Variants in ZC3H12C observed in about 807,000 individuals in gnomAD.
The protein encoded by ZC3H12C is zinc finger CCCH-type containing 12C.
ZC3H12C carries 20 observed loss-of-function variants against 76.3 expected under a neutral mutation model. That is an observed-to-expected ratio of 0.26 (90% CI 0.18 to 0.38). The LOEUF (loss-of-function observed/expected upper bound fraction) is 0.38. ZC3H12C is among the 10% of genes least tolerant of loss of function. ZC3H12C has a pLI of 1.00. For synonymous variants in ZC3H12C, 352 were observed against 399.6 expected (o/e 0.88, Z 1.42); for missense variants, 874 against 1,086.5 (o/e 0.80, Z 2.75).
At position 110,139,428 on chromosome 11, in the gene ZC3H12C, C is replaced by A. The variant is rs569717775; in HGVS notation, c.773+2014C>A. The stretch of plus-strand genomic sequence containing the variant: ...GAGGAGTGTCAAGAGTAGAGTTGTG[C>A]CTTATACTGATCATTTTTGCAATGA... On this transcript the variant is annotated intron_variant, in intron 2 of 5. Transcript: ENST00000278590. 8.7e-4 allele frequency among the ~76,000 whole-genome samples: 132 copies of A among 152,188 alleles called. 2 individuals carry two copies. Among genetic ancestry groups the A allele is most frequent in the Non-Finnish European group, 1.2e-3 (80 of 68,010 alleles).
At chr11:110,117,043 A>T (rs1861538833) in intron 1 of ZC3H12C, among the ~76,000 whole-genome samples, 1 of 152,242 alleles carries the variant, frequency 6.6e-6, no homozygotes, top group African/African-American at 2.4e-5. Context: ...GTCCCTTTAT[A>T]GGAACAAGTG....
chr11:110,164,332 T>G lies in ZC3H12C; in HGVS notation c.1256-9T>G. On this transcript the variant is annotated splice_polypyrimidine_tract_variant and intron_variant, in intron 5 of 5. Transcript: ENST00000278590. This position sits in a 1 kb window ranked among gnomAD's most constrained non-coding sequence, Gnocchi z 5.7. ...TGCTCCTTTGCCTAATTAATTTTAC[T>G]CTTCTTAGGAAAGAAGTGTACCTAT... 1 of 1,584,502 alleles carries G rather than the reference T, an allele frequency of 6.3e-7. No homozygotes were observed.
intron 1 of ZC3H12C, among the ~76,000 whole-genome samples, chr11:110,124,647 T>C (rs1861707878): frequency 1.3e-5 from 2 of 152,202 alleles, no homozygotes; most frequent in Non-Finnish European, 2.9e-5. Context: ...GGTGAGGCTG[T>C]AGTGCAAGAC....
intron 1 of ZC3H12C, among the ~76,000 whole-genome samples, chr11:110,113,682 T>C (rs1194218112): frequency 2.0e-5 from 3 of 152,202 alleles, no homozygotes; most frequent in Middle Eastern, 3.2e-3. Context: ...GGACCATTAG[T>C]AACCTTGACC....
chr11:110,160,025 A>G (rs1326360323), intron 4 of ZC3H12C, among the ~76,000 whole-genome samples: 3 of 152,258 alleles, frequency 2.0e-5, no homozygotes, highest in Non-Finnish European at 4.4e-5. Context: ...ACCAACTTGT[A>G]TAGCATGCTA....
At chr11:110,144,232 C>A (rs951468433) in intron 2 of ZC3H12C, among the ~76,000 whole-genome samples, 12 of 152,106 alleles carry the variant, frequency 7.9e-5, no homozygotes, top group African/African-American at 2.9e-4. Flanking sequence ...CATTTTGATT[C>A]CAAAACAAGC....
intron 2 of ZC3H12C, among the ~76,000 whole-genome samples, chr11:110,146,440 C>T (rs1011596076): frequency 1.3e-5 from 2 of 152,202 alleles, no homozygotes; most frequent in Non-Finnish European, 2.9e-5. Context: ...AGCACTGAGG[C>T]TCTCCCATTA....
intron 1 of ZC3H12C, chr11:110,130,874 C>A: frequency 1.6e-6 from 1 of 641,498 alleles, no homozygotes; most frequent in East Asian, 2.8e-5. Context: ...ACGAACCTGA[C>A]GCAGGGTGCT....
intron 1 of ZC3H12C, among the ~76,000 whole-genome samples, chr11:110,116,477 C>A (rs1565251474): frequency 1.3e-5 from 2 of 152,122 alleles, no homozygotes; most frequent in Non-Finnish European, 2.9e-5. Flanking sequence ...CATTTTAACT[C>A]TAATGCATTT....
At chr11:110,107,618 C>T (rs900265929) in intron 1 of ZC3H12C, among the ~76,000 whole-genome samples, 5 of 152,128 alleles carry the variant, frequency 3.3e-5, no homozygotes, top group East Asian at 3.9e-4. Context: ...CTCCACCTCC[C>T]GGGTTTAAGC....
At chr11:110,130,303 T>A (rs1861837619) in intron 1 of ZC3H12C, among the ~76,000 whole-genome samples, 1 of 152,230 alleles carries the variant, frequency 6.6e-6, no homozygotes, top group Non-Finnish European at 1.5e-5. Context: ...ATCTACACTT[T>A]CAGTGAATTT....
At chr11:110,101,695 G>C (rs189738119) in intron 1 of ZC3H12C, among the ~76,000 whole-genome samples, 2 of 151,850 alleles carry the variant, frequency 1.3e-5, no homozygotes, top group African/African-American at 4.8e-5. Flanking sequence ...CTACAGGCCC[G>C]CGCCACCACG....
intron 4 of ZC3H12C, among the ~76,000 whole-genome samples, chr11:110,161,692 GAATA>G (rs1862484833): frequency 2.0e-5 from 3 of 152,208 alleles, no homozygotes; most frequent in Non-Finnish European, 4.4e-5. Context: ...ATATACTGAG[GAATA>G]AATAAAGACC....
intron 2 of ZC3H12C, among the ~76,000 whole-genome samples, chr11:110,150,466 A>G (rs1392258865): frequency 6.6e-6 from 1 of 152,154 alleles, no homozygotes; most frequent in African/African-American, 2.4e-5. Flanking sequence ...TTTTGCTGCT[A>G]TAGCAACACT....
chr11:110,128,409 G>A (rs1452462974), intron 1 of ZC3H12C, among the ~76,000 whole-genome samples: 4 of 152,160 alleles, frequency 2.6e-5, no homozygotes, highest in African/African-American at 9.7e-5. Context: ...GCTTAATCCA[G>A]TGCTAGAGAT....
chr11:110,124,913 A>G (rs1009939170), intron 1 of ZC3H12C, among the ~76,000 whole-genome samples: 3 of 152,026 alleles, frequency 2.0e-5, no homozygotes, highest in African/African-American at 7.2e-5. Context: ...AATTAAGATA[A>G]TCTAAGCCTG....
chr11:110,093,804 A>G (rs1861060415), intron 1 of ZC3H12C, among the ~76,000 whole-genome samples: 1 of 151,970 alleles, frequency 6.6e-6, no homozygotes, highest in African/African-American at 2.4e-5. Flanking sequence ...GCGGATGGAA[A>G]CGGACACACT....
Position 110,106,577 on chromosome 11 carries a change from G to T in ZC3H12C, c.21+13145G>T, listed in dbSNP as rs190698702. Among the ~76,000 whole-genome samples the T allele has an allele frequency of 7.2e-5, 11 of 152,266 alleles. No homozygotes were observed. In the East Asian group the frequency reaches 2.1e-3, roughly 29 times the overall value. On this transcript the variant is annotated intron_variant, in intron 1 of 5. Coordinates refer to ENST00000278590, the MANE Select transcript of ZC3H12C (RefSeq NM_033390.2). ...AATGGTGATAATAATACATATCGTG[G>T]TAATGTCATGGTAATGGTTGTAGAG... is the stretch of plus-strand genomic sequence containing the variant.
intron 1 of ZC3H12C, among the ~76,000 whole-genome samples, chr11:110,128,879 C>A (rs1292198305): frequency 3.6e-5 from 5 of 139,200 alleles, no homozygotes; most frequent in Non-Finnish European, 6.1e-5. Context: ...AGAACTATCA[C>A]CACCACTAAC....
Sources: gnomAD v4.1 joint callset for allele counts (sites outside exome capture counted in the v4.1 genomes callset) on GRCh38, gnomAD v4.1.1 for gene constraint, Gnocchi (gnomAD v3.1) non-coding constraint, MANE v1.5 for transcripts, NCBI Gene and HGNC (gene_info 2026-07-23, HGNC 2026-07-21) for gene names.